Variants in PTK2 observed in about 807,000 individuals in gnomAD.
PTK2 encodes the protein protein tyrosine kinase 2, also known as focal adhesion kinase 1.
Under a neutral mutation model 150.1 loss-of-function variants are expected in PTK2, and 45 were observed. That is an observed-to-expected ratio of 0.30 (90% CI 0.24 to 0.38). The LOEUF (loss-of-function observed/expected upper bound fraction) is 0.38, where lower values mean the gene tolerates loss of function less well. Ranked by LOEUF, PTK2 falls within the 10% of genes least tolerant of loss-of-function variation. PTK2 has a pLI of 1.00. For missense variants in PTK2, 919 were observed against 1,307.3 expected, an observed-to-expected ratio of 0.70 and a Z score of 4.58; for synonymous variants, 432 against 449.2, an observed-to-expected ratio of 0.96 and a Z score of 0.48.
chr8:140,998,337 T>A (rs1164230575), intron 1 of PTK2, among the ~76,000 whole-genome samples: 1 of 152,156 alleles, frequency 6.6e-6, no homozygotes, highest in Non-Finnish European at 1.5e-5. Context: ...TAAGACATCA[T>A]AAAATACAAG....
intron 26 of PTK2, among the ~76,000 whole-genome samples, chr8:140,695,499 C>T (rs1440182156): frequency 3.3e-5 from 5 of 151,996 alleles, no homozygotes; most frequent in African/African-American, 1.2e-4. Context: ...CAACGTCTGC[C>T]TCTTGGGTTC....
chr8:140,679,904 T>C (rs925301564), intron 27 of PTK2, among the ~76,000 whole-genome samples: 2 of 152,134 alleles, frequency 1.3e-5, no homozygotes, highest in Non-Finnish European at 2.9e-5. Flanking sequence ...CAAATTATCA[T>C]CTTTAGGAAA....
chr8:140,720,126 T>C (rs1484349141), intron 22 of PTK2, among the ~76,000 whole-genome samples: 2 of 152,052 alleles, frequency 1.3e-5, no homozygotes, highest in African/African-American at 4.8e-5. Flanking sequence ...AAGCACATAA[T>C]GTTTGTGTGC....
chr8:140,842,996 T>G (rs1486639114), intron 7 of PTK2, among the ~76,000 whole-genome samples: 1 of 152,092 alleles, frequency 6.6e-6, no homozygotes, highest in African/African-American at 2.4e-5. Flanking sequence ...CCCTTATGTA[T>G]AGCAATTCTC....
At chr8:140,889,629 TA>T (rs78252054) in intron 3 of PTK2, among the ~76,000 whole-genome samples, 520 of 137,828 alleles carry the variant, frequency 3.8e-3, no homozygotes, top group Admixed American at 3.9e-3. Context: ...TTACTTATTG[TA>T]AAAAAAAAAA....
intron 1 of PTK2, among the ~76,000 whole-genome samples, chr8:140,948,456 T>C (rs1428133194): frequency 1.3e-5 from 2 of 152,136 alleles, no homozygotes; most frequent in Non-Finnish European, 2.9e-5. Context: ...GATATTGACA[T>C]GAATCAATAA....
chr8:140,865,870 G>A (rs1315884598), intron 4 of PTK2, among the ~76,000 whole-genome samples: 14 of 152,072 alleles, frequency 9.2e-5, no homozygotes, highest in Non-Finnish European at 1.2e-4. Context: ...TGCAACCTCC[G>A]CCTCCCCGGG....
At chr8:140,846,813 T>C in intron 5 of PTK2, 135 bp from the exon 6 acceptor site, 1 of 604,354 alleles carries the variant, frequency 1.7e-6, no homozygotes, top group Non-Finnish European at 2.8e-6. Flanking sequence ...GTTAAAGATA[T>C]AAATAAATGT....
intron 21 of PTK2, 57 bp downstream of exon 24, chr8:140,738,961 T>G: frequency 8.1e-7 from 1 of 1,236,872 alleles, no homozygotes; most frequent in Non-Finnish European, 1.1e-6. Context: ...TAATTTTTTT[T>G]TGTATAACAT....
intron 1 of PTK2, among the ~76,000 whole-genome samples, chr8:140,930,948 C>T (rs1801957472): frequency 6.6e-6 from 1 of 151,940 alleles, no homozygotes; most frequent in African/African-American, 2.4e-5. Context: ...GTGGCATACA[C>T]CTGTAACTCC....
intron 22 of PTK2, among the ~76,000 whole-genome samples, chr8:140,725,083 A>C (rs1275495406): frequency 6.6e-6 from 1 of 152,100 alleles, no homozygotes; most frequent in Non-Finnish European, 1.5e-5. Context: ...TGCTGTATCG[A>C]TCTCAAAATT....
At chr8:140,890,883 G>A in intron 2 of PTK2, 114 bp from the exon 3 acceptor site, 1 of 901,112 alleles carries the variant, frequency 1.1e-6, no homozygotes, top group Non-Finnish European at 1.7e-6. Flanking sequence ...GTTATATGCG[G>A]AAGGAGTCTG....
At position 140,933,274 on chromosome 8, in the gene PTK2, A is replaced by C. The variant is rs2100172538; in HGVS notation, c.-121-7525T>G. Among the ~76,000 whole-genome samples the C allele has an allele frequency of 2.6e-5, 4 of 152,330 alleles. No homozygotes were observed. The South Asian group carries it at 8.3e-4, about 32-fold the overall frequency. On this transcript the variant is annotated intron_variant, in intron 1 of 31. Coordinates refer to ENST00000522684, the Ensembl canonical transcript of PTK2. ...AGAAGAGCATTTCCTTTAGAAAAAA[A>C]CAGAAGAACTGCATAAAATATAAAA...
chr8:140,730,964 C>CCT (rs1554830157), intron 22 of PTK2, among the ~76,000 whole-genome samples: 2 of 137,900 alleles, frequency 1.5e-5, no homozygotes, highest in African/African-American at 5.3e-5. Context: ...CCCCCCCCCC[C>CCT]CTTTTTTTTT....
chr8:140,846,576 G>T (rs78440738), intron 6 of PTK2, 23 bp downstream of exon 6: 2 of 1,530,510 alleles, frequency 1.3e-6, no homozygotes, highest in South Asian at 1.2e-5. Context: ...AATAAAGGCC[G>T]CAATGTATAG....
chr8:140,962,114 A>T (rs2100183390), intron 1 of PTK2, among the ~76,000 whole-genome samples: 1 of 151,744 alleles, frequency 6.6e-6, no homozygotes, highest in African/African-American at 2.4e-5. Context: ...GGAGCTACTC[A>T]GGAGGCTGAG....
In PTK2 at chr8:140,848,161, C is replaced by T. The variant is rs112747075; in HGVS notation, c.451-1483G>A. On this transcript the variant is annotated intron_variant, in intron 5 of 31. Coordinates refer to ENST00000522684, the Ensembl canonical transcript of PTK2. ...CATGCCTAGGAAGCGCTACAATTCA[C>T]TGATTTCATACTTCCTCCAGTAAGC... is the stretch of plus-strand genomic sequence containing the variant. 5.3e-3 allele frequency among the ~76,000 whole-genome samples: 810 copies of T among 152,328 alleles called. 8 individuals carry two copies. Among genetic ancestry groups the T allele is most frequent in the African/African-American group, 0.018 (739 of 41,552 alleles).
chr8:140,922,621 G>A (rs534878915), intron 2 of PTK2, among the ~76,000 whole-genome samples: 23 of 152,190 alleles, frequency 1.5e-4, no homozygotes, highest in African/African-American at 4.6e-4. Flanking sequence ...TGGAACTTAC[G>A]GCTCTCAAAA....
chr8:140,680,464 A>G (rs1275578355), intron 27 of PTK2, among the ~76,000 whole-genome samples: 1 of 152,140 alleles, frequency 6.6e-6, no homozygotes, highest in Admixed American at 6.6e-5. Flanking sequence ...TCCTGACCTC[A>G]GGTGATCCAC....
Sources: allele counts gnomAD v4.1 joint callset (sites outside exome capture counted in the v4.1 genomes callset), GRCh38; gene constraint gnomAD v4.1.1; transcripts MANE v1.5; gene names NCBI Gene and HGNC (gene_info 2026-07-23, HGNC 2026-07-21).